TRERF1: variants seen among roughly 807,000 people sequenced by gnomAD.
TRERF1 encodes transcriptional regulating factor 1, also known as transcriptional-regulating factor 1.
A neutral mutation model predicts 122.9 loss-of-function variants in TRERF1; 27 were observed. The observed-to-expected ratio is 0.22, with a 90% confidence interval of 0.16 to 0.30. The LOEUF (loss-of-function observed/expected upper bound fraction) is 0.30, where lower values mean the gene tolerates loss of function less well. Among genes scored for constraint, TRERF1 ranks in the 10% least tolerant of loss-of-function variants. The pLI is 1.00. For synonymous variants in TRERF1, 636 were observed against 641.7 expected (o/e 0.99, Z 0.13); for missense variants, 1,248 against 1,560.3 (o/e 0.80, Z 3.37).
intron 2 of TRERF1, among the ~76,000 whole-genome samples, chr6:42,363,620 G>A (rs1052619873): frequency 2.6e-5 from 4 of 152,054 alleles, no homozygotes; most frequent in African/African-American, 9.7e-5. Context: ...TAGGAGACAG[G>A]GTCATTGAAG....
At chr6:42,264,573 G>T in intron 7 of TRERF1, 131 bp downstream of exon 7, 1 of 1,403,116 alleles carries the variant, frequency 7.1e-7, no homozygotes, top group Non-Finnish European at 9.5e-7. Context: ...CAAAGCCTAA[G>T]CATTCCTGTC....
chr6:42,263,159 C>A lies in TRERF1; in HGVS notation c.1884+161G>T. On this transcript the variant is annotated intron_variant, in intron 8 of 17. Transcript: ENST00000372922. The surrounding 1 kb of genome is among the most constrained non-coding windows in gnomAD (Gnocchi z 5.6). Reference sequence around the variant, plus strand: ...CGGGTTCAGCCCTGAGAGACCAAGCCGTATCCAAGCTCAGGTCAGTGACTC... The same window carrying A: ...CGGGTTCAGCCCTGAGAGACCAAGCAGTATCCAAGCTCAGGTCAGTGACTC... The A allele has an allele frequency of 2.1e-6, 3 of 1,396,414 alleles. No homozygotes were observed. The highest frequency in any genetic ancestry group is 2.6e-5 in the East Asian group (1 of 38,622). 86.5% of individuals were successfully genotyped at this position (1,396,414 alleles called of 1,614,324 possible).
At chr6:42,230,576 TC>T (rs531548536) in intron 17 of TRERF1, among the ~76,000 whole-genome samples, 15 of 152,254 alleles carry the variant, frequency 9.9e-5, no homozygotes, top group African/African-American at 3.6e-4. Flanking sequence ...AAGCGGGAGA[TC>T]ACTGAGAGTC....
chr6:42,392,630 G>A (rs1777935882), intron 2 of TRERF1, among the ~76,000 whole-genome samples: 1 of 152,150 alleles, frequency 6.6e-6, no homozygotes, highest in Admixed American at 6.5e-5. Context: ...CAGAGCATCA[G>A]TCTTAGCAGA....
At position 42,451,658 on chromosome 6, in the gene TRERF1, C is replaced by T. The variant is rs960403428; in HGVS notation, c.-539+363G>A. Among the ~76,000 whole-genome samples the T allele has an allele frequency of 3.3e-5, 5 of 151,448 alleles. No individual in the cohort carries two copies. Among genetic ancestry groups the T allele is most frequent in the African/African-American group, 1.2e-4 (5 of 41,102 alleles). ...CTCTCCTCCTCCCCATGCGCCCTCC[C>T]CGGCCAGAAACTTACTAGTGAGCAA... On this transcript the variant is annotated intron_variant, in intron 1 of 17. Transcript: ENST00000372922.
chr6:42,415,755 T>C (rs1342422056), intron 2 of TRERF1, among the ~76,000 whole-genome samples: 2 of 152,184 alleles, frequency 1.3e-5, no homozygotes, highest in Non-Finnish European at 2.9e-5. Context: ...TTAGTTATTG[T>C]AGTTTTTTAA....
At chr6:42,354,502 C>T (rs1770129366) in intron 3 of TRERF1, among the ~76,000 whole-genome samples, 1 of 151,784 alleles carries the variant, frequency 6.6e-6, no homozygotes, top group Non-Finnish European at 1.5e-5. Context: ...ATTTCCTATG[C>T]CTCTACATTT....
chr6:42,359,857 A>G (rs1475451309), intron 3 of TRERF1, among the ~76,000 whole-genome samples: 1 of 152,196 alleles, frequency 6.6e-6, no homozygotes, highest in African/African-American at 2.4e-5. Context: ...TAAAATTTTA[A>G]AATCCCTATA....
chr6:42,318,590 T>C (rs1249186630), intron 3 of TRERF1, among the ~76,000 whole-genome samples: 1 of 152,204 alleles, frequency 6.6e-6, no homozygotes. Context: ...TGTGGACAAC[T>C]GAAAGGCTCC....
intron 3 of TRERF1, among the ~76,000 whole-genome samples, chr6:42,325,440 A>G (rs143534618): frequency 6.6e-6 from 1 of 152,336 alleles, no homozygotes; most frequent in East Asian, 1.9e-4. Flanking sequence ...ATTCCACCAA[A>G]AGACATATGC....
intron 3 of TRERF1, among the ~76,000 whole-genome samples, chr6:42,356,389 G>A (rs901430965): frequency 3.9e-5 from 6 of 152,202 alleles, no homozygotes; most frequent in African/African-American, 1.4e-4. Flanking sequence ...GATGGGATGG[G>A]TGATCTTATA....
intron 3 of TRERF1, among the ~76,000 whole-genome samples, chr6:42,361,473 T>C (rs1333275008): frequency 6.6e-6 from 1 of 152,194 alleles, no homozygotes; most frequent in African/African-American, 2.4e-5. Flanking sequence ...TTTTGTGTTG[T>C]TTTTCCCGAG....
At position 42,262,466 on chromosome 6, in the gene TRERF1, G is replaced by GAGA. The variant is rs747014228; in HGVS notation, c.1884+853_1884+854insTCT. On this transcript the variant is annotated intron_variant, in intron 8 of 17. Coordinates refer to ENST00000372922, the Ensembl canonical transcript of TRERF1. ...AGAGAGAGAGAGAGAGAGAGAGAGA[G>GAGA]GAGAGAGAGAGAGAGAGAGAGAGAG... Among the ~76,000 whole-genome samples the GAGA allele has an allele frequency of 9.4e-4, 6 of 6,412 alleles. 2 individuals are homozygous for GAGA. The highest frequency in any genetic ancestry group is 3.3e-3 in the African/African-American group (4 of 1,206). 4.2% of individuals were successfully genotyped at this position (6,412 alleles called of 152,430 possible). A position where few individuals can be genotyped will look rare whatever the true frequency, so the allele number is the denominator to read the frequency against.
At chr6:42,257,712 T>C (rs908387630) in intron 10 of TRERF1, among the ~76,000 whole-genome samples, 1 of 152,192 alleles carries the variant, frequency 6.6e-6, no homozygotes, top group Non-Finnish European at 1.5e-5. Context: ...CCTTTGCCTC[T>C]CCTAATACCA....
intron 4 of TRERF1, among the ~76,000 whole-genome samples, chr6:42,290,180 A>G (rs1287138027): frequency 2.0e-5 from 3 of 152,226 alleles, no homozygotes; most frequent in Middle Eastern, 3.2e-3. Flanking sequence ...CACACCAGTC[A>G]GCACACCGCT....
chr6:42,433,419 A>AG (rs1784785840), intron 2 of TRERF1, among the ~76,000 whole-genome samples: 1 of 152,000 alleles, frequency 6.6e-6, no homozygotes, highest in Non-Finnish European at 1.5e-5. Flanking sequence ...GAATCCAAAC[A>AG]GAAAAAAAAA....
chr6:42,283,196 G>T (rs1782588863), intron 4 of TRERF1, among the ~76,000 whole-genome samples: 1 of 152,206 alleles, frequency 6.6e-6, no homozygotes, highest in South Asian at 2.1e-4. Flanking sequence ...TCCAGCAGGA[G>T]AGCTGAAATA....
chr6:42,284,429 CT>C (rs1280728674), intron 4 of TRERF1, among the ~76,000 whole-genome samples: 2 of 152,152 alleles, frequency 1.3e-5, no homozygotes, highest in South Asian at 2.1e-4. Flanking sequence ...TGGTGGCTTG[CT>C]TTTATCACTT....
intron 3 of TRERF1, among the ~76,000 whole-genome samples, chr6:42,344,539 C>T (rs78465149): frequency 0.011 from 1,639 of 152,266 alleles, 25 homozygotes; most frequent in African/African-American, 0.037. Context: ...GTGATCATTA[C>T]TGTTAACAAC....
Sources: gnomAD v4.1 joint callset for allele counts (sites outside exome capture counted in the v4.1 genomes callset) on GRCh38, gnomAD v4.1.1 for gene constraint, Gnocchi (gnomAD v3.1) non-coding constraint, MANE v1.5 for transcripts, NCBI Gene and HGNC (gene_info 2026-07-23, HGNC 2026-07-21) for gene names.